The following TMEM178B variants were observed in gnomAD, a reference collection of about 807,000 sequenced individuals.
The protein encoded by TMEM178B is transmembrane protein 178B.
A neutral mutation model predicts 31.0 loss-of-function variants in TMEM178B; 5 were observed. The observed-to-expected ratio is 0.16, with a 90% CI of 0.08 to 0.34. The LOEUF is 0.34. Ranked by LOEUF, TMEM178B falls within the 10% of genes least tolerant of loss-of-function variation. The pLI is 1.00. For missense variants in TMEM178B, 275 were observed against 400.3 expected (o/e 0.69, Z 2.67); for synonymous variants, 164 against 164.0 (o/e 1.00, Z 0.00).
chr7:141,432,068 T>G (rs1243934372), intron 2 of TMEM178B, among the ~76,000 whole-genome samples: 1 of 151,810 alleles, frequency 6.6e-6, no homozygotes, highest in East Asian at 1.9e-4. Flanking sequence ...TCTGAGGACC[T>G]TATGGGCCAA....
At chr7:141,232,091 G>A (rs1482436266) in intron 2 of TMEM178B, among the ~76,000 whole-genome samples, 1 of 152,150 alleles carries the variant, frequency 6.6e-6, no homozygotes, top group Non-Finnish European at 1.5e-5. Context: ...ATAGTTTGCT[G>A]AGGATAATGG....
In TMEM178B at chr7:141,323,163, G is replaced by C. The variant is rs1391862247; in HGVS notation, c.496+110459G>C. Among the ~76,000 whole-genome samples the C allele has an allele frequency of 2.0e-5, 3 of 152,136 alleles. No individual in the cohort carries two copies. In the East Asian group the frequency reaches 5.8e-4, roughly 29 times the overall value. ...GCTAAACCTTGGTAAATGTTAAAGA[G>C]AAAGCCCTCTTTAAAAATACTCTGT... On this transcript the variant is annotated intron_variant, in intron 2 of 3. Coordinates refer to ENST00000565468, the MANE Select transcript of TMEM178B (RefSeq NM_001195278.2).
intron 2 of TMEM178B, among the ~76,000 whole-genome samples, chr7:141,248,746 G>A (rs941304568): frequency 1.3e-5 from 2 of 152,140 alleles, no homozygotes; most frequent in Non-Finnish European, 2.9e-5. Context: ...AGTTGCTCTG[G>A]GTGAGTCGGT....
downstream of TMEM178B, among the ~76,000 whole-genome samples, chr7:141,485,122 C>A (rs894579110): frequency 6.6e-6 from 1 of 152,110 alleles, no homozygotes; most frequent in Non-Finnish European, 1.5e-5. Context: ...TTTCAATCAC[C>A]ACAGGAGAGC....
chr7:141,085,026 G>A lies in TMEM178B; in HGVS notation c.382+10334G>A, dbSNP rs150491743. Reference sequence around the variant, plus strand: ...TCTGAGTAGCTGGGATTACAGGTGCGCACTGCCACATCACGATCTCAGCTC... The same window carrying A: ...TCTGAGTAGCTGGGATTACAGGTGCACACTGCCACATCACGATCTCAGCTC... On this transcript the variant is annotated intron_variant, in intron 1 of 3. Transcript: ENST00000565468. Among the ~76,000 whole-genome samples, 481 of 151,822 alleles carry A rather than the reference G, an allele frequency of 3.2e-3. 1 individual carries two copies. The highest frequency in any genetic ancestry group is 0.02 in the Middle Eastern group (6 of 294).
At chr7:141,278,107 A>C (rs1798295903) in intron 2 of TMEM178B, among the ~76,000 whole-genome samples, 1 of 152,246 alleles carries the variant, frequency 6.6e-6, no homozygotes, top group Non-Finnish European at 1.5e-5. Flanking sequence ...AATATCTAAG[A>C]ATTTTAGATG....
chr7:141,461,223 C>A lies in TMEM178B; in HGVS notation c.635-9313C>A, dbSNP rs1257501391. Reference sequence around the variant, plus strand: ...AGGACTTGGCTGCTTCTTCTCTGACCTCCCTGATACACAGCCACGTGGGTG... The same window carrying A: ...AGGACTTGGCTGCTTCTTCTCTGACATCCCTGATACACAGCCACGTGGGTG... On this transcript the variant is annotated intron_variant, in intron 3 of 3. Transcript: ENST00000565468. This position sits in a 1 kb window ranked among gnomAD's most constrained non-coding sequence, Gnocchi z 4.0. Among the ~76,000 whole-genome samples, 2 of 152,168 alleles carry A rather than the reference C, an allele frequency of 1.3e-5. No homozygotes were observed. The highest frequency in any genetic ancestry group is 3.9e-4 in the East Asian group (2 of 5,186).
At chr7:141,442,173 C>T (rs1053726134) in intron 3 of TMEM178B, among the ~76,000 whole-genome samples, 1 of 152,126 alleles carries the variant, frequency 6.6e-6, no homozygotes, top group Admixed American at 6.5e-5. Flanking sequence ...ATACGGATCC[C>T]CAAGATGAGC....
chr7:141,285,144 A>ATTT (rs1798424908), intron 2 of TMEM178B, among the ~76,000 whole-genome samples: 1 of 118,008 alleles, frequency 8.5e-6, no homozygotes, highest in Admixed American at 8.9e-5. Flanking sequence ...CCAATTCAGG[A>ATTT]TTCTTGTTTC....
chr7:141,432,873 G>T lies in TMEM178B; in HGVS notation c.497-4735G>T, dbSNP rs74658561. Among the ~76,000 whole-genome samples, 207 of 152,248 alleles carry T rather than the reference G, an allele frequency of 1.4e-3. 7 individuals are homozygous for T. The East Asian group carries it at 0.033, about 25-fold the overall frequency. ...TTCAACTGGGGCTTCATTGTAGAGG[G>T]GTCTGAGGGGCGGATTCTGGGGCAC... is the stretch of plus-strand genomic sequence containing the variant. On this transcript the variant is annotated intron_variant, in intron 2 of 3. Coordinates refer to ENST00000565468, the MANE Select transcript of TMEM178B (RefSeq NM_001195278.2).
Position 141,318,940 on chromosome 7 carries a change from A to G in TMEM178B, c.496+106236A>G, listed in dbSNP as rs1799051164. 6.6e-6 allele frequency among the ~76,000 whole-genome samples: 1 copy of G among 152,194 alleles called. No individual in the cohort carries two copies. Among genetic ancestry groups the G allele is most frequent in the Non-Finnish European group, 1.5e-5 (1 of 68,034 alleles). On this transcript the variant is annotated intron_variant, in intron 2 of 3. Coordinates refer to ENST00000565468, the MANE Select transcript of TMEM178B (RefSeq NM_001195278.2). This position sits in a 1 kb window ranked among gnomAD's most constrained non-coding sequence, Gnocchi z 4.1. ...TGAATATGAGATATTTCTGCCAAAA[A>G]AAAATGAACAATTTTTACCAAGTTT...
In TMEM178B at chr7:141,479,926, G is replaced by C. The variant is rs1297969029; in HGVS notation, c.*9140G>C. The C allele has an allele frequency of 6.6e-6, 1 of 152,200 alleles. No individual in the cohort carries two copies. The highest frequency in any genetic ancestry group is 1.5e-5 in the Non-Finnish European group (1 of 68,036). The allele number at this position is 152,200 out of a possible 1,614,324, so 9.4% of individuals were successfully genotyped here. A position where few individuals can be genotyped will look rare whatever the true frequency, so the allele number is the denominator to read the frequency against. ...GTGCTAAAATAAGATAAAATATTAT[G>C]TTAATTTGTTCTGATATGATGTGAA... On this transcript the variant is annotated 3_prime_UTR_variant, in exon 4 of 4. Transcript: ENST00000565468.
chr7:141,162,302 C>A (rs112650576), intron 1 of TMEM178B, among the ~76,000 whole-genome samples: 4,387 of 152,348 alleles, frequency 0.029, 175 homozygotes, highest in African/African-American at 0.089. Flanking sequence ...CATCCCTCAG[C>A]TGTCCCTGGG....
At chr7:141,505,711 T>C in the TMEM178B span, among the ~76,000 whole-genome samples, 1 of 152,366 alleles carries the variant, frequency 6.6e-6, no homozygotes, top group East Asian at 1.9e-4. Flanking sequence ...AACTACTTGC[T>C]AGCTGCTATT....
At chr7:141,455,917 C>T (rs955750318) in intron 3 of TMEM178B, among the ~76,000 whole-genome samples, 5 of 152,272 alleles carry the variant, frequency 3.3e-5, no homozygotes, top group African/African-American at 7.2e-5. Context: ...GCTTCTCCCT[C>T]TACTAATTAA....
At chr7:141,469,065 A>G (rs1304679655) in intron 3 of TMEM178B, among the ~76,000 whole-genome samples, 3 of 152,212 alleles carry the variant, frequency 2.0e-5, no homozygotes, top group African/African-American at 7.2e-5. Flanking sequence ...CATGTTGAAC[A>G]TGCCTAGCCC....
At chr7:141,252,735 C>A (rs1797855534) in intron 2 of TMEM178B, among the ~76,000 whole-genome samples, 1 of 152,218 alleles carries the variant, frequency 6.6e-6, no homozygotes, top group South Asian at 2.1e-4. Flanking sequence ...GTCAAAGAGA[C>A]CACAGACTGT....
intron 2 of TMEM178B, among the ~76,000 whole-genome samples, chr7:141,364,759 G>A (rs1172422922): frequency 6.6e-6 from 1 of 151,930 alleles, no homozygotes; most frequent in African/African-American, 2.4e-5. Flanking sequence ...GGAGTGGGCT[G>A]GATGTCAGAA....
intron 1 of TMEM178B, among the ~76,000 whole-genome samples, chr7:141,178,842 A>C (rs1473258695): frequency 6.6e-6 from 1 of 152,194 alleles, no homozygotes; most frequent in African/African-American, 2.4e-5. Context: ...GTGGCCTCCA[A>C]AATTACACAG....
Sources: gnomAD v4.1 joint callset for allele counts (sites outside exome capture counted in the v4.1 genomes callset) on GRCh38, gnomAD v4.1.1 for gene constraint, Gnocchi (gnomAD v3.1) non-coding constraint, MANE v1.5 for transcripts, NCBI Gene and HGNC (gene_info 2026-07-23, HGNC 2026-07-21) for gene names.